The following ZNF560 variants were observed in gnomAD, a reference collection of about 807,000 sequenced individuals.
ZNF560 encodes the protein zinc finger protein 560.
In ZNF560, 54 loss-of-function variants were observed where a neutral mutation model predicts 81.8. The observed-to-expected ratio is 0.66, with a 90% CI of 0.53 to 0.83. ZNF560 has a LOEUF of 0.83. Ranked by LOEUF, ZNF560 falls within the 40% of genes least tolerant of loss-of-function variation. The pLI, the probability that ZNF560 is intolerant of heterozygous loss-of-function variation, is 0.00. For missense variants in ZNF560, 940 were observed against 932.4 expected (o/e 1.01, Z -0.11); for synonymous variants, 321 against 317.9 (o/e 1.01, Z -0.10).
the ZNF560 span, among the ~76,000 whole-genome samples, chr19:9,459,243 G>A: frequency 6.6e-6 from 1 of 152,288 alleles, no homozygotes; most frequent in East Asian, 1.9e-4. Flanking sequence ...ACTAAATCTA[G>A]CATTATTAAC....
intron 2 of ZNF560, among the ~76,000 whole-genome samples, chr19:9,476,221 T>G (rs1429478649): frequency 6.6e-6 from 1 of 152,102 alleles, no homozygotes; most frequent in African/African-American, 2.4e-5. Flanking sequence ...GATTGGATCA[T>G]GGGGGCAGCT....
Position 9,466,391 on chromosome 19 carries a change from T to TA in ZNF560, c.*182dup. Reference sequence around the variant, plus strand: ...AGAACTAGTGTTTTCCTACATCCCTTACATTTACAGGGTTTCTCTACAGTG... The same window carrying TA: ...AGAACTAGTGTTTTCCTACATCCCTTAACATTTACAGGGTTTCTCTACAGTG... On this transcript the variant is annotated 3_prime_UTR_variant, in exon 10 of 10. Transcript: ENST00000301480. 1 of 547,524 alleles carries TA rather than the reference T, an allele frequency of 1.8e-6. No individual in the cohort carries two copies. Among genetic ancestry groups the TA allele is most frequent in the East Asian group, 3.0e-5 (1 of 33,482 alleles). The allele number at this position is 547,524 out of a possible 1,614,324, so 33.9% of individuals were successfully genotyped here.
chr19:9,456,764 C>A, the ZNF560 span, among the ~76,000 whole-genome samples: 713 of 152,276 alleles, frequency 4.7e-3, 4 homozygotes, highest in Middle Eastern at 0.017. Context: ...ACTATTCAAC[C>A]AATTATAACT....
In ZNF560 at chr19:9,467,119, T is replaced by A; in HGVS notation, c.1828A>T (p.Thr610Ser). The change falls in exon 10 of 10, where the codon ACA (threonine) becomes TCA (serine). Residue 610 changes from threonine to serine, a missense_variant. Physicochemically the swap from Thr to Ser is moderately conservative, Grantham distance 58. Transcript: ENST00000301480. ...TGTTTAGTAAGATCTGAGCGTTCTGTGAAGGCTTTTCCACATTTCTTACAT... is the reference window on the plus strand; with the variant it reads ...TGTTTAGTAAGATCTGAGCGTTCTGAGAAGGCTTTTCCACATTTCTTACAT... The part of the protein sequence containing the change: ...YECKKCGKAF[T>S]ERSDLTKHLR... 6.2e-7 allele frequency: 1 copy of A among 1,613,932 alleles called. No homozygotes were observed. The highest frequency in any genetic ancestry group is 8.5e-7 in the Non-Finnish European group (1 of 1,180,004).
chr19:9,476,013 G>A (rs2073196442), intron 2 of ZNF560, among the ~76,000 whole-genome samples: 1 of 152,056 alleles, frequency 6.6e-6, no homozygotes, highest in Non-Finnish European at 1.5e-5. Flanking sequence ...ACACTTAAGG[G>A]GGCTAACTTA....
At chr19:9,471,407 T>A in intron 5 of ZNF560, 29 bp from the exon 6 acceptor site, 1 of 1,455,186 alleles carries the variant, frequency 6.9e-7, no homozygotes, top group Non-Finnish European at 9.2e-7. Flanking sequence ...CTGAGGTTTT[T>A]TTTTTTTTTA....
At chr19:9,461,469 A>T (rs1212199515), downstream of ZNF560, among the ~76,000 whole-genome samples, 26 of 152,202 alleles carry the variant, frequency 1.7e-4, no homozygotes, top group Admixed American at 1.6e-3. Flanking sequence ...TTTCATTGCT[A>T]CTTTAATCTT....
Position 9,470,415 on chromosome 19 carries a change from T to C in ZNF560, c.425A>G (p.Asn142Ser). The change falls in exon 7 of 10, where the codon AAC becomes AGC. Residue 142 changes from asparagine (N) to serine (S), a missense_variant. Transcript: ENST00000301480. ...ACCTACTGAGGACAGGTTCTTGTAG[T>C]TCTCCAGCATCACATCACTGTACAG... ...RNLYSDVMLENYKNLSSVGYQ... is the reference protein window; with the variant it reads ...RNLYSDVMLESYKNLSSVGYQ... The C allele has an allele frequency of 6.2e-7, 1 of 1,613,248 alleles. No homozygotes were observed. Among genetic ancestry groups the C allele is most frequent in the Non-Finnish European group, 8.5e-7 (1 of 1,179,554 alleles).
intron 3 of ZNF560, among the ~76,000 whole-genome samples, chr19:9,475,014 C>T (rs1225397531): frequency 6.6e-6 from 1 of 151,902 alleles, no homozygotes; most frequent in African/African-American, 2.4e-5. Flanking sequence ...TCTTCCTTTC[C>T]ATCTGCCAGA....
In ZNF560 at chr19:9,466,417, T is replaced by G; in HGVS notation, c.*157A>C. ...ACATTTACAGGGTTTCTCTACAGTG[T>G]GAGTTTGTACATATCTAGAAAGATT... On this transcript the variant is annotated 3_prime_UTR_variant, in exon 10 of 10. Transcript: ENST00000301480. 5 of 633,620 alleles carry G rather than the reference T, an allele frequency of 7.9e-6. No individual in the cohort carries two copies. Among genetic ancestry groups the G allele is most frequent in the Non-Finnish European group, 1.3e-5 (5 of 376,216 alleles). 39.2% of individuals were successfully genotyped at this position (633,620 alleles called of 1,614,324 possible).
At chr19:9,463,022 G>T (rs1003428951), downstream of ZNF560, among the ~76,000 whole-genome samples, 1 of 152,132 alleles carries the variant, frequency 6.6e-6, no homozygotes, top group African/African-American at 2.4e-5. Context: ...TCTGCCATTA[G>T]GATTAGAAAT....
chr19:9,473,147 A>G (rs773961315), intron 5 of ZNF560, 32 bp downstream of exon 5: 75 of 1,581,044 alleles, frequency 4.7e-5, no homozygotes, highest in Non-Finnish European at 3.0e-5. Context: ...TGAACTTCTC[A>G]CTGACCAAGG....
chr19:9,486,503 G>A (rs1162815531), intron 2 of ZNF560, among the ~76,000 whole-genome samples: 1 of 152,190 alleles, frequency 6.6e-6, no homozygotes, highest in Non-Finnish European at 1.5e-5. Context: ...ACTTTTGGAG[G>A]CTGAGGCAGG....
chr19:9,490,244 G>T (rs1385213347), intron 2 of ZNF560, among the ~76,000 whole-genome samples: 1 of 152,190 alleles, frequency 6.6e-6, no homozygotes, highest in African/African-American at 2.4e-5. Context: ...GAAAAGTTCT[G>T]TTTATTCTCC....
At chr19:9,448,214 G>C in the ZNF560 span, among the ~76,000 whole-genome samples, 1 of 151,912 alleles carries the variant, frequency 6.6e-6, no homozygotes, top group African/African-American at 2.4e-5. Flanking sequence ...TGGAGTTTTT[G>C]TGTGTGCGTG....
intron 2 of ZNF560, among the ~76,000 whole-genome samples, chr19:9,477,252 C>A (rs1198617248): frequency 6.6e-6 from 1 of 151,852 alleles, no homozygotes; most frequent in South Asian, 2.1e-4. Context: ...TGAACAATAT[C>A]CCTATTTAGT....
intron 2 of ZNF560, among the ~76,000 whole-genome samples, chr19:9,493,731 C>A (rs2144728747): frequency 6.6e-6 from 1 of 152,298 alleles, no homozygotes; most frequent in South Asian, 2.1e-4. Flanking sequence ...TCATTCACTT[C>A]TGTCTCTTTT....
intron 2 of ZNF560, among the ~76,000 whole-genome samples, chr19:9,496,594 A>C (rs1373394496): frequency 1.3e-5 from 1 of 76,260 alleles, no homozygotes; most frequent in Non-Finnish European, 2.5e-5. Context: ...GAAAAAAAAA[A>C]GGTGGGGGTG....
intron 2 of ZNF560, among the ~76,000 whole-genome samples, chr19:9,484,627 CAAAAAAAA>C (rs60283585): frequency 1.3e-5 from 1 of 79,734 alleles, no homozygotes; most frequent in African/African-American, 3.8e-5. Context: ...ACCGAAAATA[CAAAAAAAA>C]AAAAAAAAAA....
Sources: gnomAD v4.1 joint callset for allele counts (sites outside exome capture counted in the v4.1 genomes callset) on GRCh38, gnomAD v4.1.1 for gene constraint, MANE v1.5 for transcripts, NCBI Gene and HGNC (gene_info 2026-07-23, HGNC 2026-07-21) for gene names.